MEG3: variants seen among roughly 807,000 people sequenced by gnomAD.
The protein encoded by MEG3 is Very putative protein from MEG3 locus.
intron 1 of MEG3, among the ~76,000 whole-genome samples, chr14:100,828,405 C>G (rs79612000): frequency 0.015 from 2,277 of 150,732 alleles, 64 homozygotes; most frequent in African/African-American, 0.05. Flanking sequence ...TCCCTCCTCC[C>G]CCTCCTATTT....
chr14:100,836,477 C>A (rs767615239), intron 2 of MEG3, among the ~76,000 whole-genome samples: 1 of 152,136 alleles, frequency 6.6e-6, no homozygotes, highest in Non-Finnish European at 1.5e-5. Context: ...AGTGGAGACC[C>A]TTGCTATACC....
chr14:100,838,317 T>A (rs1157394796), intron 2 of MEG3, among the ~76,000 whole-genome samples: 1 of 152,194 alleles, frequency 6.6e-6, no homozygotes, highest in Non-Finnish European at 1.5e-5. Context: ...TGCACTGAGT[T>A]GTATTTCAGG....
chr14:100,843,966 A>G (rs930372142), intron 2 of MEG3, among the ~76,000 whole-genome samples: 10 of 150,558 alleles, frequency 6.6e-5, no homozygotes, highest in African/African-American at 2.5e-4. Context: ...CAGCCTCCCG[A>G]GTAGCTGAGA....
upstream of MEG3, chr14:100,857,019 C>T (rs1016068439): frequency 3.3e-5 from 5 of 152,068 alleles, no homozygotes; most frequent in Admixed American, 6.6e-5. Flanking sequence ...GTAGCGCTTA[C>T]GTTTCTTTTC....
intron 3 of MEG3, chr14:100,849,659 G>A (rs753303096): frequency 6.6e-6 from 1 of 152,226 alleles, no homozygotes; most frequent in African/African-American, 2.4e-5. Flanking sequence ...ACGAATACGT[G>A]GGTGTATCTG....
At chr14:100,847,649 C>T (rs3742395) in intron 3 of MEG3, 75,685 of 151,846 alleles carry the variant, frequency 0.5, 20,376 homozygotes, top group Admixed American at 0.64. Flanking sequence ...TCAGTGAGTA[C>T]CTAAATAGAC....
intron 3 of MEG3, chr14:100,851,529 ACT>A (rs2038075726): frequency 6.6e-6 from 1 of 151,082 alleles, no homozygotes; most frequent in South Asian, 2.1e-4. Flanking sequence ...TGTTCTTGCA[ACT>A]CTCTGCAGTG....
intron 2 of MEG3, among the ~76,000 whole-genome samples, chr14:100,839,180 G>A (rs2037677427): frequency 6.6e-6 from 1 of 152,172 alleles, no homozygotes; most frequent in Non-Finnish European, 1.5e-5. Flanking sequence ...AGGGGGTGTG[G>A]AGGGAGACAG....
At chr14:100,832,249 G>A (rs915230529), downstream of MEG3, 1 of 152,192 alleles carries the variant, frequency 6.6e-6, no homozygotes, top group Non-Finnish European at 1.5e-5. Context: ...TTATCCCAGT[G>A]ACAAATCCCA....
At chr14:100,832,189 T>TA (rs1375964451), downstream of MEG3, 1 of 152,072 alleles carries the variant, frequency 6.6e-6, no homozygotes, top group East Asian at 1.9e-4. Flanking sequence ...GGTTTCCCCT[T>TA]ACGTTAGTTG....
At chr14:100,847,006 A>G (rs2037936356) in intron 3 of MEG3, 1 of 152,016 alleles carries the variant, frequency 6.6e-6, no homozygotes, top group Admixed American at 6.6e-5. Flanking sequence ...TTTTTAAAAA[A>G]CCAAAACAAC....
intron 2 of MEG3, among the ~76,000 whole-genome samples, chr14:100,836,757 A>G (rs912447144): frequency 2.0e-5 from 3 of 152,194 alleles, no homozygotes; most frequent in African/African-American, 7.2e-5. Context: ...TCCACCAGCC[A>G]TGGTAGCGTC....
chr14:100,831,343 G>C (rs549032288), downstream of MEG3: 1 of 152,906 alleles, frequency 6.5e-6, no homozygotes, highest in African/African-American at 2.4e-5. Context: ...TGACTTTGCT[G>C]TGCCGGCAGC....
At chr14:100,858,478 T>C (rs2038305571) in exon 1 of MEG3, 1 of 152,664 alleles carries the variant, frequency 6.6e-6, no homozygotes, top group South Asian at 2.1e-4. Flanking sequence ...GAGCTGGGTG[T>C]TCCTTCTGCT....
At chr14:100,848,677 CA>C (rs1288674611) in intron 3 of MEG3, 1 of 152,138 alleles carries the variant, frequency 6.6e-6, no homozygotes, top group African/African-American at 2.4e-5. Context: ...ACTGGTTTAG[CA>C]CAAGCCATCC....
Position 100,845,767 on chromosome 14 carries a change from T to C in MEG3, n.3121+234T>C. On this transcript the variant is annotated intron_variant and non_coding_transcript_variant, in intron 3 of 3. Transcript: ENST00000398461. The surrounding 1 kb of genome is among the most constrained non-coding windows in gnomAD (Gnocchi z 5.2). Reference sequence around the variant, plus strand: ...TGTGTTGTCTCTGTGGCAAAAGAATTCTATAGGCGGGCTTCAAATGTCGGA... The same window carrying C: ...TGTGTTGTCTCTGTGGCAAAAGAATCCTATAGGCGGGCTTCAAATGTCGGA... 8.9e-6 allele frequency: 2 copies of C among 224,626 alleles called. No homozygotes were observed. The highest frequency in any genetic ancestry group is 9.9e-5 in the South Asian group (2 of 20,270). 13.9% of individuals were successfully genotyped at this position (224,626 alleles called of 1,614,324 possible).
At chr14:100,848,883 C>T (rs1047061060) in intron 3 of MEG3, 2 of 152,162 alleles carry the variant, frequency 1.3e-5, no homozygotes, top group Non-Finnish European at 2.9e-5. Context: ...AGAAAAGGCA[C>T]TTCTTGGACA....
At chr14:100,854,577 C>T (rs1455853726), upstream of MEG3, 2 of 152,352 alleles carry the variant, frequency 1.3e-5, no homozygotes, top group African/African-American at 4.8e-5. Context: ...CAGGCTGGAC[C>T]TCCTGGGTGT....
intron 3 of MEG3, chr14:100,847,791 G>A (rs1283501937): frequency 6.6e-6 from 1 of 152,174 alleles, no homozygotes; most frequent in South Asian, 2.1e-4. Context: ...AAGAGAGAAA[G>A]GAACGGTAAA....
Sources: allele counts gnomAD v4.1 joint callset (sites outside exome capture counted in the v4.1 genomes callset), GRCh38; gene constraint gnomAD v4.1.1; non-coding constraint Gnocchi (gnomAD v3.1); transcripts MANE v1.5; gene names NCBI Gene and HGNC (gene_info 2026-07-23, HGNC 2026-07-21).